Variants in ZNF234 observed in about 807,000 individuals in gnomAD.
ZNF234 encodes the protein zinc finger protein 234.
Under a neutral mutation model 10.3 loss-of-function variants are expected in ZNF234, and 4 were observed. The observed-to-expected ratio is 0.39, with a 90% CI of 0.19 to 0.89. The LOEUF (loss-of-function observed/expected upper bound fraction) is 0.89, where lower values mean the gene tolerates loss of function less well. ZNF234 is among the 40% of genes least tolerant of loss of function. The pLI is 0.38. For missense variants in ZNF234, 711 were observed against 836.1 expected (o/e 0.85, Z 1.85); for synonymous variants, 258 against 280.1 (o/e 0.92, Z 0.79).
chr19:44,147,285 A>C (rs1444936280), intron 3 of ZNF234, among the ~76,000 whole-genome samples: 10 of 151,840 alleles, frequency 6.6e-5, no homozygotes, highest in Admixed American at 6.6e-4. Flanking sequence ...AACCCAGACT[A>C]GAGTACAGTG....
At chr19:44,154,638 T>C (rs1345621867) in intron 5 of ZNF234, among the ~76,000 whole-genome samples, 3 of 143,576 alleles carry the variant, frequency 2.1e-5, no homozygotes, top group Non-Finnish European at 3.0e-5. Context: ...CTTTTTTTTT[T>C]TTTTTTTTTT....
Position 44,150,802 on chromosome 19 carries a change from T to TG in ZNF234, c.235+302dup, listed in dbSNP as rs552397725. Among the ~76,000 whole-genome samples, 13 of 152,214 alleles carry TG rather than the reference T, an allele frequency of 8.5e-5. No individual in the cohort carries two copies. In the South Asian group the frequency reaches 2.1e-3, roughly 24 times the overall value. Reference sequence around the variant, plus strand: ...GGCTCATGCCTGTAATCCAGCACTTTGGGGGCCAAAGCAGGAGGATCAGGA... The same window carrying TG: ...GGCTCATGCCTGTAATCCAGCACTTTGGGGGGCCAAAGCAGGAGGATCAGGA... On this transcript the variant is annotated intron_variant, in intron 5 of 5. Coordinates refer to ENST00000426739, the MANE Select transcript of ZNF234 (RefSeq NM_006630.3).
chr19:44,157,667 C>A lies in ZNF234; in HGVS notation c.1651C>A (p.Arg551=). ...TGAAGAGTGTGGGAAGAGCTTCAGT[C>A]GGAGTGCACACCTTCAAGCCCATCA... ...KCEECGKSFS[R]SAHLQAHQKV... is the part of the protein sequence containing the mutation. Residue 551 remains arginine (R), a synonymous_variant, in exon 6 of 6, where the codon CGG becomes AGG. Coordinates refer to ENST00000426739, the MANE Select transcript of ZNF234 (RefSeq NM_006630.3). 6.2e-7 allele frequency: 1 copy of A among 1,613,620 alleles called. No individual in the cohort carries two copies. Among genetic ancestry groups the A allele is most frequent in the Non-Finnish European group, 8.5e-7 (1 of 1,179,888 alleles).
rs116378809 is a variant in ZNF234 at position 44,153,851 on chromosome 19, A to C, written c.236-2401A>C. 1.7e-3 allele frequency among the ~76,000 whole-genome samples: 265 copies of C among 152,362 alleles called. 1 individual carries two copies. Among genetic ancestry groups the C allele is most frequent in the African/African-American group, 6.0e-3 (251 of 41,584 alleles). ...GTTGGGGTTCATTTATTCATTTGAC[A>C]TGCATTTATTGAGCATTCACTGTGA... On this transcript the variant is annotated intron_variant, in intron 5 of 5. Coordinates refer to ENST00000426739, the MANE Select transcript of ZNF234 (RefSeq NM_006630.3).
rs10423715 is a variant in ZNF234 at position 44,150,090 on chromosome 19, A to C, written c.143-323A>C. The C allele has an allele frequency of 2.4e-3, 403 of 165,480 alleles. 1 individual carries two copies. Among genetic ancestry groups the C allele is most frequent in the African/African-American group, 9.1e-3 (383 of 42,068 alleles). The allele number at this position is 165,480 out of a possible 1,614,324, so 10.3% of individuals were successfully genotyped here. On this transcript the variant is annotated intron_variant, in intron 4 of 5. Transcript: ENST00000426739. ...TTCCCTTATTGGTGCCTGCAGCTTA[A>C]ATTTTTTTTCCAGGCTGCTTTTTAT...
chr19:44,149,178 G>A (rs915359479), intron 4 of ZNF234, among the ~76,000 whole-genome samples: 2 of 152,178 alleles, frequency 1.3e-5, no homozygotes, highest in East Asian at 1.9e-4. Flanking sequence ...AGTGGCTCAC[G>A]CCTGCAATCC....
intron 3 of ZNF234, chr19:44,148,568 A>G (rs964470919): frequency 1.2e-5 from 8 of 692,796 alleles, no homozygotes; most frequent in African/African-American, 3.5e-5. Context: ...ATTGAAGGCT[A>G]TTGTTACTGA....
At chr19:44,152,611 C>T (rs978812555) in intron 5 of ZNF234, among the ~76,000 whole-genome samples, 10 of 152,298 alleles carry the variant, frequency 6.6e-5, no homozygotes, top group Admixed American at 4.6e-4. Flanking sequence ...TTCCTGGAGG[C>T]TTCCATCATA....
At chr19:44,146,046 CAG>C (rs1164528716) in intron 3 of ZNF234, among the ~76,000 whole-genome samples, 2 of 152,150 alleles carry the variant, frequency 1.3e-5, no homozygotes, top group Non-Finnish European at 2.9e-5. Context: ...CATAGAAAGT[CAG>C]GGGTCAGAAA....
At chr19:44,147,782 G>A (rs1299850209) in intron 3 of ZNF234, among the ~76,000 whole-genome samples, 1 of 152,042 alleles carries the variant, frequency 6.6e-6, no homozygotes, top group Non-Finnish European at 1.5e-5. Context: ...AACCCAGGAG[G>A]CAGAGGTTGC....
At chr19:44,143,006 A>C (rs1968501454) in intron 2 of ZNF234, among the ~76,000 whole-genome samples, 1 of 152,230 alleles carries the variant, frequency 6.6e-6, no homozygotes, top group Non-Finnish European at 1.5e-5. Flanking sequence ...TTTCCAGATA[A>C]AGAGATAATA....
At chr19:44,155,650 T>A (rs2053397336) in intron 5 of ZNF234, among the ~76,000 whole-genome samples, 1 of 152,186 alleles carries the variant, frequency 6.6e-6, no homozygotes, top group Non-Finnish European at 1.5e-5. Flanking sequence ...ATATAAACAT[T>A]TCAGGTTATT....
chr19:44,148,232 A>G (rs1465365383), intron 3 of ZNF234, among the ~76,000 whole-genome samples: 2 of 152,240 alleles, frequency 1.3e-5, no homozygotes, highest in African/African-American at 2.4e-5. Flanking sequence ...CTGAGGCATG[A>G]TGGCTCCAGA....
intron 5 of ZNF234, among the ~76,000 whole-genome samples, chr19:44,154,784 A>T (rs1408570402): frequency 2.0e-5 from 3 of 151,886 alleles, no homozygotes; most frequent in African/African-American, 7.3e-5. Flanking sequence ...GGTGCGTGCC[A>T]CCACATCTGG....
chr19:44,153,176 A>ATATATATATATATATG, intron 5 of ZNF234, among the ~76,000 whole-genome samples: 1 of 143,340 alleles, frequency 7.0e-6, no homozygotes, highest in South Asian at 2.2e-4. Flanking sequence ...ATATATATAT[A>ATATATATATATATATG]TATATATATA....
rs771545231 is a variant in ZNF234, at chr19:44,157,483, C to T, written c.1467C>T (p.Cys489=). ...AGAAACCATACAAATGTGAAGAGTG[C>T]GGAAAGGGATTTAGTCGTAGAGCAG... ...TGEKPYKCEE[C]GKGFSRRADL... is the part of the protein sequence containing the mutation. The change falls in exon 6 of 6, where the codon TGC becomes TGT. Residue 489 remains cysteine (C), a synonymous_variant. Coordinates refer to ENST00000426739, the MANE Select transcript of ZNF234 (RefSeq NM_006630.3). The T allele has an allele frequency of 4.5e-5, 72 of 1,613,540 alleles. No homozygotes were observed. The highest frequency in any genetic ancestry group is 8.0e-5 in the African/African-American group (6 of 74,742).
intron 5 of ZNF234, among the ~76,000 whole-genome samples, chr19:44,154,810 G>GT (rs1337298755): frequency 1.3e-5 from 2 of 151,716 alleles, no homozygotes; most frequent in Middle Eastern, 6.3e-3. Flanking sequence ...TTTTTTAAAA[G>GT]TTTTTTTGTA....
chr19:44,160,086 A>C lies in ZNF234; in HGVS notation c.*1967A>C, dbSNP rs1197499802. ...GGGCTGTACCATATTTTTGCCCCACACCCATTAAGCGAATACCAAAAACAA... is the reference window on the plus strand; with the variant it reads ...GGGCTGTACCATATTTTTGCCCCACCCCCATTAAGCGAATACCAAAAACAA... On this transcript the variant is annotated 3_prime_UTR_variant, in exon 6 of 6. Coordinates refer to ENST00000426739, the MANE Select transcript of ZNF234 (RefSeq NM_006630.3). 6.6e-6 allele frequency: 1 copy of C among 151,820 alleles called. No individual in the cohort carries two copies. The highest frequency in any genetic ancestry group is 1.5e-5 in the Non-Finnish European group (1 of 67,978). The allele number at this position is 151,820 out of a possible 1,614,324, so 9.4% of individuals were successfully genotyped here. A position where few individuals can be genotyped will look rare whatever the true frequency, so the allele number is the denominator to read the frequency against.
intron 3 of ZNF234, among the ~76,000 whole-genome samples, chr19:44,148,000 A>G (rs1968643809): frequency 6.6e-6 from 1 of 152,230 alleles, no homozygotes; most frequent in African/African-American, 2.4e-5. Context: ...CGAATAATAT[A>G]CAGTCATGAA....
Sources: allele counts gnomAD v4.1 joint callset (sites outside exome capture counted in the v4.1 genomes callset), GRCh38; gene constraint gnomAD v4.1.1; transcripts MANE v1.5; gene names NCBI Gene and HGNC (gene_info 2026-07-23, HGNC 2026-07-21).